The following LAMA2 variants were observed in gnomAD, a reference collection of about 807,000 sequenced individuals.
LAMA2 encodes the protein laminin subunit alpha 2.
Under a neutral mutation model 364.8 loss-of-function variants are expected in LAMA2, and 269 were observed. That is an observed-to-expected ratio of 0.74 (90% CI 0.67 to 0.82). The LOEUF (loss-of-function observed/expected upper bound fraction) is 0.82, where lower values mean the gene tolerates loss of function less well. Ranked by LOEUF, LAMA2 falls within the 40% of genes least tolerant of loss-of-function variation. The pLI, the probability that LAMA2 is intolerant of heterozygous loss-of-function variation, is 0.00. For missense variants in LAMA2, 3,807 were observed against 3,873.2 expected, an observed-to-expected ratio of 0.98 and a Z score of 0.45; for synonymous variants, 1,379 against 1,370.6, an observed-to-expected ratio of 1.01 and a Z score of -0.14.
chr6:128,944,653 GAAGA>G (rs1009742008), intron 1 of LAMA2, among the ~76,000 whole-genome samples: 3 of 150,510 alleles, frequency 2.0e-5, no homozygotes, highest in Non-Finnish European at 3.0e-5. Flanking sequence ...AAAAAAAAAA[GAAGA>G]AAGAAAGAAA....
At chr6:129,174,125 G>A (rs1458885453) in intron 9 of LAMA2, among the ~76,000 whole-genome samples, 2 of 151,748 alleles carry the variant, frequency 1.3e-5, no homozygotes, top group Non-Finnish European at 2.9e-5. Context: ...TATATATTTT[G>A]ATTTTTTTGT....
Position 129,439,825 on chromosome 6 carries a change from C to CATATATATATATAT in LAMA2, c.6086-980_6086-967dup, listed in dbSNP as rs5879948. Reference sequence around the variant, plus strand: ...GCTTCATTTGCTTGCATCAATTGGTCATATATATATATATATATATATATC... The same window carrying CATATATATATATAT: ...GCTTCATTTGCTTGCATCAATTGGTCATATATATATATATATATATATATATATATATATATATC... On this transcript the variant is annotated intron_variant, in intron 42 of 64. Coordinates refer to ENST00000421865, the MANE Select transcript of LAMA2 (RefSeq NM_000426.4). Among the ~76,000 whole-genome samples, 605 of 123,030 alleles carry CATATATATATATAT rather than the reference C, an allele frequency of 4.9e-3. 4 individuals are homozygous for CATATATATATATAT. The highest frequency in any genetic ancestry group is 0.018 in the East Asian group (66 of 3,730). The allele number at this position is 123,030 out of a possible 152,430, so 80.7% of individuals were successfully genotyped here. A position where few individuals can be genotyped will look rare whatever the true frequency, so the allele number is the denominator to read the frequency against.
chr6:129,449,475 C>T (rs1224286858), intron 45 of LAMA2, among the ~76,000 whole-genome samples: 1 of 152,130 alleles, frequency 6.6e-6, no homozygotes. Context: ...TCAATTCATT[C>T]ATGAGGACAG....
intron 1 of LAMA2, among the ~76,000 whole-genome samples, chr6:128,910,251 C>T (rs1404396562): frequency 3.9e-5 from 6 of 152,248 alleles, no homozygotes; most frequent in Non-Finnish European, 7.3e-5. Flanking sequence ...TGGTTTCATT[C>T]TCCCCGTCAC....
At chr6:128,954,478 A>G (rs1781021367) in intron 1 of LAMA2, among the ~76,000 whole-genome samples, 1 of 152,098 alleles carries the variant, frequency 6.6e-6, no homozygotes, top group Non-Finnish European at 1.5e-5. Context: ...TCTTTAAAAA[A>G]AATACCTGCA....
intron 44 of LAMA2, among the ~76,000 whole-genome samples, chr6:129,444,582 T>G (rs920865453): frequency 1.3e-5 from 2 of 152,194 alleles, no homozygotes; most frequent in African/African-American, 4.8e-5. Context: ...TATGTTCTTT[T>G]TAAATGCCGC....
intron 1 of LAMA2, among the ~76,000 whole-genome samples, chr6:128,902,886 T>G (rs1214680349): frequency 6.6e-6 from 1 of 152,208 alleles, no homozygotes; most frequent in Non-Finnish European, 1.5e-5. Flanking sequence ...AAACATCCAT[T>G]CATTTTATCA....
rs895775641 is a variant in LAMA2, at chr6:128,988,161, C to T, written c.113-61757C>T. Among the ~76,000 whole-genome samples, 7 of 152,220 alleles carry T rather than the reference C, an allele frequency of 4.6e-5. No homozygotes were observed. The East Asian group carries it at 7.7e-4, about 17-fold the overall frequency. On this transcript the variant is annotated intron_variant, in intron 1 of 64. Coordinates refer to ENST00000421865, the MANE Select transcript of LAMA2 (RefSeq NM_000426.4). ...GATTATAGGCATGAACCACTGTGCCCGGCCTAGCATGTAGTTTTTAAAAGG... is the reference window on the plus strand; with the variant it reads ...GATTATAGGCATGAACCACTGTGCCTGGCCTAGCATGTAGTTTTTAAAAGG...
At chr6:129,503,349 G>A in intron 60 of LAMA2, 69 bp downstream of exon 60, 2 of 1,442,556 alleles carry the variant, frequency 1.4e-6, no homozygotes, top group South Asian at 1.1e-5. Context: ...GCATTCTCCT[G>A]GTGCCAGTAT....
At chr6:129,042,570 A>G (rs903562071) in intron 1 of LAMA2, among the ~76,000 whole-genome samples, 1 of 152,088 alleles carries the variant, frequency 6.6e-6, no homozygotes, top group Non-Finnish European at 1.5e-5. Context: ...ACTGAATGTA[A>G]TATTTAATTA....
intron 30 of LAMA2, 142 bp downstream of exon 30, chr6:129,342,609 T>A (rs1776331374): frequency 2.7e-6 from 2 of 746,254 alleles, no homozygotes; most frequent in Admixed American, 5.8e-5. Flanking sequence ...TATAGAAACA[T>A]GACAAAAGTG....
intron 1 of LAMA2, among the ~76,000 whole-genome samples, chr6:128,938,164 G>A (rs1779943808): frequency 6.6e-6 from 1 of 151,816 alleles, no homozygotes; most frequent in South Asian, 2.1e-4. Flanking sequence ...TTAGCTTTAG[G>A]TAAGCCATTT....
chr6:129,201,258 C>T (rs1562325794), intron 12 of LAMA2, among the ~76,000 whole-genome samples: 1 of 152,096 alleles, frequency 6.6e-6, no homozygotes, highest in Non-Finnish European at 1.5e-5. Flanking sequence ...CTGGCCTTGC[C>T]AAATTGAAAG....
chr6:129,371,609 T>TC (rs1263118979), intron 34 of LAMA2, among the ~76,000 whole-genome samples: 2 of 146,134 alleles, frequency 1.4e-5, no homozygotes, highest in Admixed American at 6.8e-5. Context: ...AAGTATTTCT[T>TC]TTTTTTTTTT....
chr6:129,321,293 G>C (rs550283820), intron 28 of LAMA2, among the ~76,000 whole-genome samples: 1 of 152,248 alleles, frequency 6.6e-6, no homozygotes, highest in East Asian at 1.9e-4. Context: ...CGACTTAAGG[G>C]AGGTGGAATG....
chr6:129,404,005 T>A lies in LAMA2; in HGVS notation c.5865+46T>A, dbSNP rs200077211. Reference sequence around the variant, plus strand: ...GTGCTGGGAATGGAAGTCAACCTTTTTGAATTTTTCAAATGTAAGTCAGTC... The same window carrying A: ...GTGCTGGGAATGGAAGTCAACCTTTATGAATTTTTCAAATGTAAGTCAGTC... On this transcript the variant is annotated intron_variant, in intron 40 of 64. Transcript: ENST00000421865. The A allele has an allele frequency of 3.5e-4, 557 of 1,609,238 alleles. 2 individuals carry two copies. The African/African-American group carries it at 6.5e-3, about 19-fold the overall frequency.
chr6:129,226,249 C>G (rs555079734), intron 12 of LAMA2, among the ~76,000 whole-genome samples: 1 of 152,282 alleles, frequency 6.6e-6, no homozygotes, highest in South Asian at 2.1e-4. Context: ...AGATGGGTCT[C>G]TTGAATACAG....
intron 29 of LAMA2, 34 bp downstream of exon 29, chr6:129,328,446 T>C (rs1006363200): frequency 3.7e-6 from 6 of 1,613,910 alleles, no homozygotes; most frequent in Admixed American, 1.7e-5. Flanking sequence ...ACAAGGTCCA[T>C]GTGCTCATTC....
At chr6:129,119,833 C>A (rs1178567713) in intron 4 of LAMA2, among the ~76,000 whole-genome samples, 1 of 152,224 alleles carries the variant, frequency 6.6e-6, no homozygotes, top group East Asian at 1.9e-4. Context: ...CAGGCGTGAG[C>A]CACTGCTCCC....
Sources: gnomAD v4.1 joint callset for allele counts (sites outside exome capture counted in the v4.1 genomes callset) on GRCh38, gnomAD v4.1.1 for gene constraint, MANE v1.5 for transcripts, NCBI Gene and HGNC (gene_info 2026-07-23, HGNC 2026-07-21) for gene names.